The following ZNF394 variants were observed in gnomAD, a reference collection of about 807,000 sequenced individuals.
The protein encoded by ZNF394 is zinc finger protein 394, also known as zinc finger protein 99.
ZNF394 carries 19 observed loss-of-function variants against 21.8 expected under a neutral mutation model. The observed-to-expected ratio is 0.87, with a 90% CI of 0.61 to 1.28. The LOEUF (loss-of-function observed/expected upper bound fraction) is 1.28, where lower values mean the gene tolerates loss of function less well. Among genes scored for constraint, ZNF394 ranks in the 50% most tolerant of loss-of-function variants. The pLI is 0.00. For missense variants in ZNF394, 683 were observed against 708.6 expected, an observed-to-expected ratio of 0.96 and a Z score of 0.41; for synonymous variants, 294 against 273.3, an observed-to-expected ratio of 1.08 and a Z score of -0.75.
Position 99,493,935 on chromosome 7 carries a change from G to C in ZNF394, c.1280C>G (p.Ser427Ter). ...GGTACTTTGATGACGATTTAGGTGT[G>C]AATTCTGCCTGAAGCGCTCCCCACA... ...LKCGERFRQN[S>*]HLNRHQSTHS... Residue 427 changes from serine to a stop codon, truncating the protein, a stop_gained, in exon 3 of 3, where the codon TCA becomes TGA. Coordinates refer to ENST00000337673, the MANE Select transcript of ZNF394 (RefSeq NM_032164.4). LOFTEE classifies it low-confidence loss of function (END_TRUNC). 6.2e-7 allele frequency: 1 copy of C among 1,614,256 alleles called. No homozygotes were observed. Among genetic ancestry groups the C allele is most frequent in the Non-Finnish European group, 8.5e-7 (1 of 1,180,052 alleles).
At chr7:99,490,275 C>T (rs1463238138), downstream of ZNF394, among the ~76,000 whole-genome samples, 6 of 151,138 alleles carry the variant, frequency 4.0e-5, no homozygotes, top group Admixed American at 6.6e-5. Context: ...CTGCATCAGC[C>T]TCCTGAGTAG....
At chr7:99,489,847 T>C (rs910187001), downstream of ZNF394, among the ~76,000 whole-genome samples, 1 of 152,044 alleles carries the variant, frequency 6.6e-6, no homozygotes, top group Non-Finnish European at 1.5e-5. Flanking sequence ...GTATTAAAAA[T>C]TGCTCTAATT....
chr7:99,491,793 A>G (rs999293700), downstream of ZNF394, among the ~76,000 whole-genome samples: 6 of 145,982 alleles, frequency 4.1e-5, no homozygotes, highest in East Asian at 1.2e-3. Flanking sequence ...AAAAAAAAAA[A>G]GCCAGGCACA....
rs536711254 is a variant in ZNF394 at position 99,494,558 on chromosome 7, C to G, written c.657G>C (p.Gly219=). The change falls in exon 3 of 3, where the codon GGG becomes GGC. Residue 219 remains glycine, a synonymous_variant. Transcript: ENST00000337673. The part of the protein sequence containing the change: ...QQILEEAEPQ[G]QLQEAFQGKR... ...TCCCCTGGAACGCTTCTTGTAGTTG[C>G]CCCTGTGGCTCCGCTTCTTCTAAAA... The G allele has an allele frequency of 6.2e-7, 1 of 1,611,328 alleles. No homozygotes were observed. The highest frequency in any genetic ancestry group is 1.1e-5 in the South Asian group (1 of 90,508).
chr7:99,487,546 T>G, intron 1 of ZNF394: 1 of 1,529,856 alleles, frequency 6.5e-7, no homozygotes, highest in Non-Finnish European at 8.8e-7. Flanking sequence ...ACTTCAAGTG[T>G]GTATCACGTA....
At chr7:99,496,278 A>G (rs1800306480) in intron 2 of ZNF394, among the ~76,000 whole-genome samples, 1 of 151,724 alleles carries the variant, frequency 6.6e-6, no homozygotes. Flanking sequence ...GGCCTCCCAA[A>G]GTGCTAGGGT....
At position 99,499,989 on chromosome 7, in the gene ZNF394, T is replaced by C. The variant is rs908069184; in HGVS notation, c.105A>G (p.Gly35=). Residue 35 remains glycine, a synonymous_variant, in exon 1 of 3, where the codon GGA becomes GGG. Transcript: ENST00000337673. ...SKDAAPSQRD[G]LLPVKVEEDS... Reference sequence around the variant, plus strand: ...CTTCCTCCACTTTCACGGGCAAAAGTCCGTCGCGTTGGGACGGCGCCGCGT... The same window carrying C: ...CTTCCTCCACTTTCACGGGCAAAAGCCCGTCGCGTTGGGACGGCGCCGCGT... The C allele has an allele frequency of 3.7e-6, 6 of 1,612,358 alleles. No individual in the cohort carries two copies. Among genetic ancestry groups the C allele is most frequent in the Non-Finnish European group, 5.1e-6 (6 of 1,179,932 alleles).
downstream of ZNF394, among the ~76,000 whole-genome samples, chr7:99,493,039 C>T (rs954052895): frequency 2.0e-5 from 3 of 152,144 alleles, no homozygotes; most frequent in Non-Finnish European, 4.4e-5. Context: ...AAGTCTCTTA[C>T]CTGGCATCAG....
rs1800216959 is a variant in ZNF394 at position 99,493,752 on chromosome 7, T to C, written c.1463A>G (p.His488Arg). The change falls in exon 3 of 3, where the codon CAC (histidine) becomes CGC (arginine). Residue 488 changes from histidine (H) to arginine (R), a missense_variant. Transcript: ENST00000337673. ...FKQRSDLFKH[H>R]RIHTGEKPYG... Reference sequence around the variant, plus strand: ...GGGCTTCTCCCCAGTGTGGATTCTGTGGTGTTTAAAGAGGTCAGAGCGCTG... The same window carrying C: ...GGGCTTCTCCCCAGTGTGGATTCTGCGGTGTTTAAAGAGGTCAGAGCGCTG... 4.3e-6 allele frequency: 7 copies of C among 1,614,160 alleles called. No individual in the cohort carries two copies. The highest frequency in any genetic ancestry group is 5.9e-6 in the Non-Finnish European group (7 of 1,180,014).
downstream of ZNF394, among the ~76,000 whole-genome samples, chr7:99,491,117 G>A (rs1800153260): frequency 6.6e-6 from 1 of 152,032 alleles, no homozygotes; most frequent in Admixed American, 6.6e-5. Context: ...GTGATGGTGG[G>A]AGCCCCTAGT....
At chr7:99,497,120 G>GTATATA (rs1479965665) in intron 2 of ZNF394, among the ~76,000 whole-genome samples, 8 of 91,362 alleles carry the variant, frequency 8.8e-5, no homozygotes, top group African/African-American at 4.0e-4. Context: ...GTGTGTGTGT[G>GTATATA]TGTATATATA....
At position 99,494,538 on chromosome 7, in the gene ZNF394, T is replaced by C. The variant is rs745313127; in HGVS notation, c.677A>G (p.Gln226Arg). The change falls in exon 3 of 3, where the codon CAG (glutamine) becomes CGG (arginine). Residue 226 changes from glutamine to arginine, a missense_variant. By Grantham distance (43) the Gln-to-Arg change is conservative. Transcript: ENST00000337673. ...CTTAGAAAACAGGGGGCGCTTCCCC[T>C]GGAACGCTTCTTGTAGTTGCCCCTG... ...EPQGQLQEAF[Q>R]GKRPLFSKCG... 6.2e-7 allele frequency: 1 copy of C among 1,613,538 alleles called. No individual in the cohort carries two copies. The highest frequency in any genetic ancestry group is 8.5e-7 in the Non-Finnish European group (1 of 1,180,004).
chr7:99,498,699 A>G lies in ZNF394; in HGVS notation c.583+17T>C. On this transcript the variant is annotated intron_variant, in intron 2 of 2. Coordinates refer to ENST00000337673, the MANE Select transcript of ZNF394 (RefSeq NM_032164.4). ...AAACCACACACCGCAATAAACCAGCAGAGCAACAGCACTCACTCGGCGGAA... is the reference window on the plus strand; with the variant it reads ...AAACCACACACCGCAATAAACCAGCGGAGCAACAGCACTCACTCGGCGGAA... 1 of 1,613,900 alleles carries G rather than the reference A, an allele frequency of 6.2e-7. No individual in the cohort carries two copies. Among genetic ancestry groups the G allele is most frequent in the Non-Finnish European group, 8.5e-7 (1 of 1,179,858 alleles).
At chr7:99,490,513 C>A (rs925731239), downstream of ZNF394, among the ~76,000 whole-genome samples, 1 of 151,794 alleles carries the variant, frequency 6.6e-6, no homozygotes, top group African/African-American at 2.4e-5. Flanking sequence ...TGCCTGTAGT[C>A]CCAGCTGCTT....
chr7:99,488,515 G>GATTGA (rs1285536814), downstream of ZNF394, among the ~76,000 whole-genome samples: 7 of 148,278 alleles, frequency 4.7e-5, no homozygotes, highest in African/African-American at 1.5e-4. Flanking sequence ...AAAAAAAAAA[G>GATTGA]ATTGAAGAAT....
At chr7:99,493,124 C>G, downstream of ZNF394, 1 of 833,084 alleles carries the variant, frequency 1.2e-6, no homozygotes, top group Non-Finnish European at 1.5e-6. Flanking sequence ...AGGCTCAGGA[C>G]AGATTGAACC....
rs780847744 is a variant in ZNF394 at position 99,494,236 on chromosome 7, G to C, written c.979C>G (p.His327Asp). Reference protein sequence around the residue: ...CKQSFHMVTWHVLKPHKSDSG... With the variant: ...CKQSFHMVTWDVLKPHKSDSG... ...TCAGACTTGTGAGGTTTCAGCACGT[G>C]CCACGTCACCATGTGGAAACTTTGC... is the stretch of plus-strand genomic sequence containing the variant. The change falls in exon 3 of 3, where the codon CAC (histidine) becomes GAC (aspartate). Residue 327 changes from histidine (H) to aspartate (D), a missense_variant. By Grantham distance (81) the His-to-Asp change is moderately conservative. Around this residue, in one of 3 missense-constraint regions of ZNF394, gnomAD observed 274 missense variants for 314.1 expected, o/e 0.87. Coordinates refer to ENST00000337673, the MANE Select transcript of ZNF394 (RefSeq NM_032164.4). 3.1e-6 allele frequency: 5 copies of C among 1,614,242 alleles called. No individual in the cohort carries two copies. Among genetic ancestry groups the C allele is most frequent in the Middle Eastern group, 1.6e-4 (1 of 6,062 alleles).
intron 1 of ZNF394, 71 bp from the exon 2 acceptor site, chr7:99,498,913 G>A: frequency 6.6e-7 from 1 of 1,525,054 alleles, no homozygotes; most frequent in Non-Finnish European, 8.8e-7. Context: ...CTTGAGTCTT[G>A]TACCGACAAG....
chr7:99,497,692 C>T (rs1800381305), intron 2 of ZNF394, among the ~76,000 whole-genome samples: 1 of 151,926 alleles, frequency 6.6e-6, no homozygotes, highest in African/African-American at 2.4e-5. Context: ...GGTGAAACCC[C>T]ATCTCTACTA....
Sources: gnomAD v4.1 joint callset for allele counts (sites outside exome capture counted in the v4.1 genomes callset) on GRCh38, gnomAD v4.1.1 for gene constraint, gnomAD v4.1.1 regional missense constraint, MANE v1.5 for transcripts, NCBI Gene and HGNC (gene_info 2026-07-23, HGNC 2026-07-21) for gene names.